KDM4B: variants seen among roughly 807,000 people sequenced by gnomAD.
The protein encoded by KDM4B is lysine demethylase 4B.
In KDM4B, 32 loss-of-function variants were observed where a neutral mutation model predicts 125.2. The ratio of observed to expected loss-of-function variants is 0.26; its 90% CI spans 0.19 to 0.34. The LOEUF (loss-of-function observed/expected upper bound fraction) is 0.34. Among genes scored for constraint, KDM4B ranks in the 10% least tolerant of loss-of-function variants. The pLI is 1.00. For missense variants in KDM4B, 1,190 were observed against 1,577.7 expected (o/e 0.75, Z 4.16); for synonymous variants, 721 against 677.9 (o/e 1.06, Z -0.99).
At chr19:5,144,494 T>TGAGGG (rs2039806842) in intron 20 of KDM4B, 82 bp downstream of exon 20, 1 of 497,930 alleles carries the variant, frequency 2.0e-6, no homozygotes, top group African/African-American at 2.8e-5. Flanking sequence ...CACGGTGAGC[T>TGAGGG]GTGGGGGTGG....
intron 8 of KDM4B, chr19:5,079,309 C>T (rs1376140146): frequency 2.6e-5 from 4 of 152,184 alleles, no homozygotes; most frequent in African/African-American, 9.7e-5. Flanking sequence ...ATCCCAACGC[C>T]TTCTAATTGA....
intron 3 of KDM4B, among the ~76,000 whole-genome samples, chr19:5,038,083 C>T (rs772614447): frequency 1.3e-5 from 2 of 152,214 alleles, no homozygotes; most frequent in Non-Finnish European, 2.9e-5. Context: ...GCCCGGGGCG[C>T]GGAGGGGCAG....
At chr19:5,119,291 C>T (rs1488016131) in intron 10 of KDM4B, 4 of 1,032,576 alleles carry the variant, frequency 3.9e-6, no homozygotes, top group African/African-American at 3.2e-5. Context: ...GGAGCTCACA[C>T]TCCCTGTGTC....
intron 10 of KDM4B, chr19:5,111,721 A>C (rs1054681944): frequency 5.3e-6 from 4 of 760,390 alleles, no homozygotes; most frequent in Non-Finnish European, 9.6e-6. Flanking sequence ...GGCTCAGCCA[A>C]CTCCTCCGGG....
At chr19:5,027,194 C>T (rs1049327375) in intron 2 of KDM4B, among the ~76,000 whole-genome samples, 2 of 152,228 alleles carry the variant, frequency 1.3e-5, no homozygotes, top group Non-Finnish European at 2.9e-5. Context: ...GTACGGTTGC[C>T]CTGCGTCTGT....
chr19:5,020,579 C>T (rs2036083439), intron 2 of KDM4B, among the ~76,000 whole-genome samples: 2 of 152,172 alleles, frequency 1.3e-5, no homozygotes, highest in South Asian at 4.1e-4. Context: ...ACCCTGGAGC[C>T]GTCGCTTGGT....
chr19:5,115,507 G>A lies in KDM4B; in HGVS notation c.1116-4146G>A, dbSNP rs2146001388. ...GGCTCTCCTAAAGTCACAGGCTCCTGCCCTCAGCAGCCCCTGCCACTGCCT... is the reference window on the plus strand; with the variant it reads ...GGCTCTCCTAAAGTCACAGGCTCCTACCCTCAGCAGCCCCTGCCACTGCCT... On this transcript the variant is annotated intron_variant, in intron 10 of 22. Transcript: ENST00000159111. This position sits in a 1 kb window ranked among gnomAD's most constrained non-coding sequence, Gnocchi z 4.2. Among the ~76,000 whole-genome samples, 1 of 152,306 alleles carries A rather than the reference G, an allele frequency of 6.6e-6. No individual in the cohort carries two copies. Among genetic ancestry groups the A allele is most frequent in the East Asian group, 1.9e-4 (1 of 5,180 alleles).
intron 10 of KDM4B, chr19:5,119,369 C>T (rs962361448): frequency 1.2e-5 from 8 of 661,028 alleles, no homozygotes; most frequent in African/African-American, 1.1e-4. Flanking sequence ...TGTCAGTCGG[C>T]TTCCCATCTC....
intron 22 of KDM4B, 25 bp from the exon 23 acceptor site, chr19:5,151,310 C>A (rs2039943063): frequency 6.8e-7 from 1 of 1,479,410 alleles, no homozygotes; most frequent in Admixed American, 2.2e-5. Flanking sequence ...ACCGTGCTAA[C>A]CACTGTGCTT....
chr19:5,140,519 T>A (rs900618372), intron 18 of KDM4B: 16 of 152,240 alleles, frequency 1.1e-4, no homozygotes, highest in African/African-American at 3.9e-4. Flanking sequence ...GTCGATCTCC[T>A]GAGGTCAGGA....
At chr19:5,091,108 TA>T (rs1247797335) in intron 9 of KDM4B, among the ~76,000 whole-genome samples, 2 of 152,316 alleles carry the variant, frequency 1.3e-5, no homozygotes, top group Non-Finnish European at 1.5e-5. Flanking sequence ...GAACTCAAGT[TA>T]GTCCTACAAG....
intron 10 of KDM4B, chr19:5,113,931 A>G: frequency 8.2e-7 from 1 of 1,215,132 alleles, no homozygotes; most frequent in African/African-American, 1.6e-5. Flanking sequence ...GCCTGAGCTC[A>G]GAGGACACGG....
chr19:5,013,062 A>G (rs1293413054), intron 1 of KDM4B, among the ~76,000 whole-genome samples: 1 of 152,154 alleles, frequency 6.6e-6, no homozygotes. Flanking sequence ...TCAGCCCCAG[A>G]GCCTCCAGCC....
chr19:5,034,029 G>T (rs913867545), intron 3 of KDM4B, among the ~76,000 whole-genome samples: 2 of 152,236 alleles, frequency 1.3e-5, no homozygotes, highest in African/African-American at 4.8e-5. Flanking sequence ...AGCTACTCGG[G>T]AGGCTGAGGC....
At chr19:5,062,458 G>A (rs2037633601) in intron 6 of KDM4B, among the ~76,000 whole-genome samples, 1 of 152,226 alleles carries the variant, frequency 6.6e-6, no homozygotes, top group Non-Finnish European at 1.5e-5. Context: ...GGGTGTGGAG[G>A]GGTTTTACCC....
chr19:5,135,245 A>C, intron 14 of KDM4B, 94 bp from the exon 15 acceptor site: 1 of 810,130 alleles, frequency 1.2e-6, no homozygotes, highest in South Asian at 1.7e-5. Flanking sequence ...GGGGGTGTCG[A>C]AGCCTGGGGC....
chr19:5,143,207 C>T (rs1467406765), intron 18 of KDM4B, among the ~76,000 whole-genome samples: 1 of 151,866 alleles, frequency 6.6e-6, no homozygotes, highest in Non-Finnish European at 1.5e-5. Flanking sequence ...CCTGTGGTCC[C>T]AGCTACTCAG....
rs759972322 is a variant in KDM4B at position 5,081,777 on chromosome 19, A to T, written c.781-590A>T. On this transcript the variant is annotated intron_variant, in intron 8 of 22. Transcript: ENST00000159111. The surrounding 1 kb of genome is among the most constrained non-coding windows in gnomAD (Gnocchi z 4.2). ...ATGGCTTGGGATGGCGGCGTGTCGC[A>T]GGCCCCTTCCTGGCGTGTTTTGCGC... is the stretch of plus-strand genomic sequence containing the variant. Among the ~76,000 whole-genome samples the T allele has an allele frequency of 9.9e-5, 15 of 152,172 alleles. No individual in the cohort carries two copies. Among genetic ancestry groups the T allele is most frequent in the African/African-American group, 3.4e-4 (14 of 41,438 alleles).
chr19:4,982,635 C>T (rs925797453), intron 1 of KDM4B, among the ~76,000 whole-genome samples: 7 of 150,582 alleles, frequency 4.6e-5, no homozygotes, highest in East Asian at 1.9e-4. Flanking sequence ...TTTTTTGTGG[C>T]GGAGTCTCAC....
Sources: allele counts gnomAD v4.1 joint callset (sites outside exome capture counted in the v4.1 genomes callset), GRCh38; gene constraint gnomAD v4.1.1; non-coding constraint Gnocchi (gnomAD v3.1); transcripts MANE v1.5; gene names NCBI Gene and HGNC (gene_info 2026-07-23, HGNC 2026-07-21).